FNBP1: variants seen among roughly 807,000 people sequenced by gnomAD.
FNBP1 encodes the protein formin binding protein 1, also known as formin-binding protein 1.
FNBP1 carries 26 observed loss-of-function variants against 90.6 expected under a neutral mutation model. The ratio of observed to expected loss-of-function variants is 0.29; its 90% CI spans 0.21 to 0.40. FNBP1 has a LOEUF of 0.40. Among genes scored for constraint, FNBP1 ranks in the 10% least tolerant of loss-of-function variants. FNBP1 has a pLI of 1.00. For missense variants in FNBP1, 635 were observed against 768.0 expected, an observed-to-expected ratio of 0.83 and a Z score of 2.05; for synonymous variants, 260 against 265.2, an observed-to-expected ratio of 0.98 and a Z score of 0.19.
chr9:129,943,719 A>G (rs1430397987), intron 6 of FNBP1, among the ~76,000 whole-genome samples: 1 of 151,816 alleles, frequency 6.6e-6, no homozygotes, highest in African/African-American at 2.4e-5. Context: ...GTGGTCGGGC[A>G]CGGTAGCTGA....
chr9:130,031,789 G>A lies in FNBP1; in HGVS notation c.24+11163C>T, dbSNP rs2058822983. Among the ~76,000 whole-genome samples the A allele has an allele frequency of 6.6e-6, 1 of 151,994 alleles. No individual in the cohort carries two copies. The highest frequency in any genetic ancestry group is 1.5e-5 in the Non-Finnish European group (1 of 67,996). On this transcript the variant is annotated intron_variant, in intron 1 of 16. Transcript: ENST00000446176. The surrounding 1 kb of genome is among the most constrained non-coding windows in gnomAD (Gnocchi z 4.2). Reference sequence around the variant, plus strand: ...CGATTCTCCTGCCTCAGCCTCCCGAGTAGCTGGGATTACAGGCGAGCGCCA... The same window carrying A: ...CGATTCTCCTGCCTCAGCCTCCCGAATAGCTGGGATTACAGGCGAGCGCCA...
intron 6 of FNBP1, among the ~76,000 whole-genome samples, chr9:129,938,724 T>C (rs911546844): frequency 1.3e-5 from 2 of 152,260 alleles, no homozygotes; most frequent in African/African-American, 2.4e-5. Context: ...TATGCTCTGG[T>C]TGCCTTATTT....
Position 129,923,855 on chromosome 9 carries a change from G to C in FNBP1, c.1159C>G (p.Leu387Val). 1 of 1,596,370 alleles carries C rather than the reference G, an allele frequency of 6.3e-7. No individual in the cohort carries two copies. Among genetic ancestry groups the C allele is most frequent in the Non-Finnish European group, 8.5e-7 (1 of 1,172,466 alleles). Reference sequence around the variant, plus strand: ...GGAGCAGAACTTACCCCACGCTTTAGGCTCCTGAAGCAGTGGATTTTGGGT... The same window carrying C: ...GGAGCAGAACTTACCCCACGCTTTACGCTCCTGAAGCAGTGGATTTTGGGT... ...SKPKIHCFRS[L>V]KRGLSLKLGA... Residue 387 changes from leucine to valine, a missense_variant, in exon 10 of 17, where the codon CTA becomes GTA. Leu to Val is a conservative substitution (Grantham distance 32, BLOSUM62 1). Transcript: ENST00000446176.
At chr9:130,021,002 C>A (rs887738757) in intron 1 of FNBP1, among the ~76,000 whole-genome samples, 1 of 152,124 alleles carries the variant, frequency 6.6e-6, no homozygotes, top group Admixed American at 6.5e-5. Context: ...AACATCACTG[C>A]TGCTTGCTTG....
rs2058807282 is a variant in FNBP1 at position 130,031,630 on chromosome 9, C to T, written c.24+11322G>A. On this transcript the variant is annotated intron_variant, in intron 1 of 16. Coordinates refer to ENST00000446176, the MANE Select transcript of FNBP1 (RefSeq NM_015033.3). The surrounding 1 kb of genome is among the most constrained non-coding windows in gnomAD (Gnocchi z 4.2). ...ACACATTTCCATGGAGTTACCCTAC[C>T]TTAGTCCTTATTACACAATAATTTC... 6.6e-6 allele frequency among the ~76,000 whole-genome samples: 1 copy of T among 152,012 alleles called. No homozygotes were observed. The highest frequency in any genetic ancestry group is 2.4e-5 in the African/African-American group (1 of 41,406).
intron 4 of FNBP1, 146 bp from the exon 5 acceptor site, chr9:129,958,699 A>G: frequency 6.2e-6 from 4 of 642,604 alleles, no homozygotes; most frequent in South Asian, 2.0e-5. Context: ...TGAAAGGGGT[A>G]GCCGGGTGCG....
chr9:130,037,173 G>A (rs1187679391), intron 1 of FNBP1, among the ~76,000 whole-genome samples: 4 of 151,786 alleles, frequency 2.6e-5, no homozygotes, highest in Admixed American at 6.6e-5. Flanking sequence ...CCTGGTCAAC[G>A]TGGTGAAACC....
intron 1 of FNBP1, among the ~76,000 whole-genome samples, chr9:130,005,197 C>T (rs1364959002): frequency 2.6e-5 from 4 of 151,320 alleles, no homozygotes; most frequent in Non-Finnish European, 5.9e-5. Flanking sequence ...GATCGCACCA[C>T]TACACTCTAG....
At chr9:130,039,348 T>A (rs984046364) in intron 1 of FNBP1, among the ~76,000 whole-genome samples, 4 of 152,194 alleles carry the variant, frequency 2.6e-5, no homozygotes, top group Non-Finnish European at 5.9e-5. Flanking sequence ...TGAAGAGTTG[T>A]AAACTATTTT....
At chr9:130,046,237 C>A (rs993447974), upstream of FNBP1, among the ~76,000 whole-genome samples, 36 of 151,952 alleles carry the variant, frequency 2.4e-4, 1 homozygote, top group Non-Finnish European at 4.7e-4. Flanking sequence ...CCATAAAGAC[C>A]AAGACAAGAT....
At chr9:129,927,138 G>A (rs1273608789) in intron 8 of FNBP1, 57 bp downstream of exon 8, 4 of 1,568,214 alleles carry the variant, frequency 2.6e-6, no homozygotes, top group African/African-American at 1.3e-5. Flanking sequence ...AAAGGGGATG[G>A]GGAGAAATAA....
Position 129,952,196 on chromosome 9 carries a change from C to CA in FNBP1, c.513+5163dup, listed in dbSNP as rs537255230. On this transcript the variant is annotated intron_variant, in intron 6 of 16. Transcript: ENST00000446176. ...AACAGAGCGAGACTCTATTTCAAAA[C>CA]AAAAAAACAAAACAAAAAACAGGCC... Among the ~76,000 whole-genome samples the CA allele has an allele frequency of 5.3e-4, 79 of 148,626 alleles. 1 individual carries two copies. The East Asian group carries it at 0.015, about 29-fold the overall frequency.
chr9:129,897,805 G>A lies in FNBP1; in HGVS notation c.1688-1809C>T, dbSNP rs191439411. 9.5e-4 allele frequency among the ~76,000 whole-genome samples: 145 copies of A among 151,994 alleles called. 1 individual carries two copies. The highest frequency in any genetic ancestry group is 3.4e-3 in the African/African-American group (139 of 41,456). On this transcript the variant is annotated intron_variant, in intron 15 of 16. Transcript: ENST00000446176. ...CAGGACATCGTTTCAAGGTTCATTGGTTTAGAAACACTAAGCTAGTTTATC... is the reference window on the plus strand; with the variant it reads ...CAGGACATCGTTTCAAGGTTCATTGATTTAGAAACACTAAGCTAGTTTATC...
chr9:129,951,797 C>T (rs991550869), intron 6 of FNBP1, among the ~76,000 whole-genome samples: 5 of 152,068 alleles, frequency 3.3e-5, no homozygotes, highest in African/African-American at 1.2e-4. Flanking sequence ...AGAAGTCTTG[C>T]TGGTCTATCT....
intron 1 of FNBP1, among the ~76,000 whole-genome samples, chr9:130,018,447 CCAGCT>C (rs1397407965): frequency 1.3e-5 from 2 of 152,162 alleles, no homozygotes; most frequent in Non-Finnish European, 2.9e-5. Context: ...ATGCAGGCAG[CCAGCT>C]CTAGCGTCTC....
rs933878086 is a variant in FNBP1, at chr9:129,890,783, A to G, written c.1847-237T>C. Among the ~76,000 whole-genome samples the G allele has an allele frequency of 1.3e-5, 2 of 152,168 alleles. No individual in the cohort carries two copies. The highest frequency in any genetic ancestry group is 4.8e-5 in the African/African-American group (2 of 41,436). On this transcript the variant is annotated intron_variant, in intron 16 of 16. Coordinates refer to ENST00000446176, the MANE Select transcript of FNBP1 (RefSeq NM_015033.3). The surrounding 1 kb of genome is among the most constrained non-coding windows in gnomAD (Gnocchi z 5.8). ...AGCTGGTCTTTCCTTCAGAGTTAAG[A>G]GAAGCCCAAACAGGAGACTGATGAG...
chr9:129,934,373 A>T (rs1449066707), intron 6 of FNBP1, among the ~76,000 whole-genome samples: 1 of 152,190 alleles, frequency 6.6e-6, no homozygotes, highest in East Asian at 1.9e-4. Flanking sequence ...ATTTCAAGAT[A>T]ATGTTCTAAA....
chr9:130,049,534 C>T, the FNBP1 span, among the ~76,000 whole-genome samples: 3 of 151,838 alleles, frequency 2.0e-5, no homozygotes, highest in South Asian at 2.1e-4. Flanking sequence ...GGCAACATGG[C>T]GAAACCGTCT....
chr9:129,903,197 G>T (rs1034941504), intron 12 of FNBP1, among the ~76,000 whole-genome samples, 196 bp from the exon 13 acceptor site: 2 of 152,100 alleles, frequency 1.3e-5, no homozygotes, highest in African/African-American at 4.8e-5. Flanking sequence ...GATTACAGGT[G>T]CATGCCACCA....
Sources: allele counts gnomAD v4.1 joint callset (sites outside exome capture counted in the v4.1 genomes callset), GRCh38; gene constraint gnomAD v4.1.1; non-coding constraint Gnocchi (gnomAD v3.1); transcripts MANE v1.5; gene names NCBI Gene and HGNC (gene_info 2026-07-23, HGNC 2026-07-21).